Variants in LY75 observed in about 807,000 individuals in gnomAD.
LY75 encodes C-type lectin domain family 13 member B.
Under a neutral mutation model 231.7 loss-of-function variants are expected in LY75, and 185 were observed. That is an observed-to-expected ratio of 0.80 (90% CI 0.71 to 0.90). The LOEUF is 0.90. Among genes scored for constraint, LY75 ranks in the 40% least tolerant of loss-of-function variants. The probability of loss-of-function intolerance (pLI) is 0.00; values close to 1 mark genes in which losing one functional copy is unlikely to be tolerated. For synonymous variants in LY75, 668 were observed against 689.0 expected (o/e 0.97, Z 0.48); for missense variants, 1,947 against 2,050.2 (o/e 0.95, Z 0.97).
chr2:159,889,226 C>A (rs1685680080), intron 4 of LY75, among the ~76,000 whole-genome samples: 1 of 151,746 alleles, frequency 6.6e-6, no homozygotes, highest in Non-Finnish European at 1.5e-5. Flanking sequence ...AACTGCAATA[C>A]CTTTTATTTA....
intron 13 of LY75, 118 bp downstream of exon 13, chr2:159,872,333 T>C (rs1016421078): frequency 3.0e-5 from 40 of 1,344,900 alleles, no homozygotes; most frequent in South Asian, 5.9e-5. Flanking sequence ...AATGACCTTT[T>C]AGATAATAAA....
Position 159,814,653 on chromosome 2 carries a change from CA to C in LY75, c.4549+751del, listed in dbSNP as rs34311643. 1.3e-3 allele frequency among the ~76,000 whole-genome samples: 98 copies of C among 73,660 alleles called. 1 individual carries two copies. Among genetic ancestry groups the C allele is most frequent in the Non-Finnish European group, 1.8e-3 (64 of 35,838 alleles). The allele number at this position is 73,660 out of a possible 152,430, so 48.3% of individuals were successfully genotyped here. Reference sequence around the variant, plus strand: ...CTGGGCAACAGAGCTGAAACCCTGTCAAAAAAAAAAAAAGAAAAAGAAAAGA... The same window carrying C: ...CTGGGCAACAGAGCTGAAACCCTGTCAAAAAAAAAAAAGAAAAAGAAAAGA... On this transcript the variant is annotated intron_variant, in intron 31 of 34. Coordinates refer to ENST00000263636, the MANE Select transcript of LY75 (RefSeq NM_002349.4).
At chr2:159,855,491 T>G (rs1325461542) in intron 16 of LY75, among the ~76,000 whole-genome samples, 1 of 152,150 alleles carries the variant, frequency 6.6e-6, no homozygotes, top group African/African-American at 2.4e-5. Context: ...AGGAAAATAA[T>G]TAAAAGTGAC....
At chr2:159,815,156 A>T (rs1440447522) in intron 31 of LY75, among the ~76,000 whole-genome samples, 12 of 151,776 alleles carry the variant, frequency 7.9e-5, no homozygotes, top group Admixed American at 7.9e-4. Context: ...GCCCGCCACC[A>T]TGCCCAGCTA....
chr2:159,829,535 A>G (rs1327787016), intron 28 of LY75, among the ~76,000 whole-genome samples: 3 of 152,188 alleles, frequency 2.0e-5, no homozygotes, highest in Admixed American at 1.3e-4. Flanking sequence ...TAAATATTCT[A>G]TATCAACGTA....
At chr2:159,825,458 A>C (rs1016214263) in intron 28 of LY75, among the ~76,000 whole-genome samples, 1 of 152,266 alleles carries the variant, frequency 6.6e-6, no homozygotes, top group Non-Finnish European at 1.5e-5. Context: ...AAATTTAGGC[A>C]GTAATTAATA....
intron 23 of LY75, among the ~76,000 whole-genome samples, chr2:159,848,113 C>CACACA (rs1188769706): frequency 2.8e-5 from 4 of 140,946 alleles, no homozygotes; most frequent in East Asian, 2.2e-4. Flanking sequence ...CATACACACA[C>CACACA]CATATATACG....
At chr2:159,812,765 G>T (rs1038021280) in intron 31 of LY75, among the ~76,000 whole-genome samples, 1 of 152,082 alleles carries the variant, frequency 6.6e-6, no homozygotes, top group Non-Finnish European at 1.5e-5. Flanking sequence ...TCACTCTGTT[G>T]TACAACTATC....
chr2:159,899,114 C>T (rs192039287), intron 1 of LY75, 55 bp from the exon 2 acceptor site: 1 of 1,568,616 alleles, frequency 6.4e-7, no homozygotes, highest in African/African-American at 1.3e-5. Flanking sequence ...GCCTTGCTCC[C>T]TGCCTGCTGA....
rs1683667589 is a variant in LY75, at chr2:159,831,763, T to C, written c.3865A>G (p.Ile1289Val). ...KLNPKSHILS[I>V]RDEKENNFVL... ...AAGTTATTCTCCTTTTCATCTCGAA[T>C]ACTCAGAATATGTGATTTTGGATCT... is the stretch of plus-strand genomic sequence containing the variant. The change falls in exon 28 of 35, where the codon ATT (isoleucine) becomes GTT (valine). Residue 1289 changes from isoleucine to valine, a missense_variant. Ile to Val is a conservative substitution (Grantham distance 29). Coordinates refer to ENST00000263636, the MANE Select transcript of LY75 (RefSeq NM_002349.4). 1 of 1,610,734 alleles carries C rather than the reference T, an allele frequency of 6.2e-7. No homozygotes were observed. Among genetic ancestry groups the C allele is most frequent in the Non-Finnish European group, 8.5e-7 (1 of 1,178,912 alleles).
intron 28 of LY75, among the ~76,000 whole-genome samples, chr2:159,828,657 T>C (rs190140353): frequency 1.3e-5 from 2 of 152,350 alleles, no homozygotes; most frequent in African/African-American, 4.8e-5. Flanking sequence ...TGGAAACATA[T>C]GTCCATGCAA....
intron 27 of LY75, among the ~76,000 whole-genome samples, chr2:159,833,828 A>G (rs1312139336): frequency 6.6e-6 from 1 of 151,988 alleles, no homozygotes; most frequent in East Asian, 1.9e-4. Context: ...GTCTTATGAG[A>G]TCTGATGGTT....
chr2:159,805,454 T>C (rs906935317), intron 34 of LY75, among the ~76,000 whole-genome samples: 1 of 152,228 alleles, frequency 6.6e-6, no homozygotes, highest in African/African-American at 2.4e-5. Flanking sequence ...CAAATCCTCT[T>C]CATTGTGATA....
chr2:159,814,466 C>T (rs192819728), intron 31 of LY75, among the ~76,000 whole-genome samples: 17 of 152,032 alleles, frequency 1.1e-4, no homozygotes, highest in Admixed American at 1.1e-3. Flanking sequence ...CCAGCTTGAA[C>T]AGCATTGTGA....
intron 27 of LY75, among the ~76,000 whole-genome samples, chr2:159,833,289 T>C (rs973839901): frequency 6.6e-6 from 1 of 152,072 alleles, no homozygotes; most frequent in Non-Finnish European, 1.5e-5. Context: ...ACCATGCTTT[T>C]AATTTTTTGC....
At chr2:159,899,881 T>C (rs1208466843) in intron 1 of LY75, among the ~76,000 whole-genome samples, 1 of 152,178 alleles carries the variant, frequency 6.6e-6, no homozygotes, top group Non-Finnish European at 1.5e-5. Context: ...GGCAGTTTCA[T>C]TGTCCTCAGT....
In LY75 at chr2:159,875,546, C is replaced by T. The variant is rs1235086473; in HGVS notation, c.1872G>A (p.Lys624=). 1.9e-6 allele frequency: 3 copies of T among 1,614,078 alleles called. No homozygotes were observed. In the African/African-American group the frequency reaches 4.0e-5, roughly 22 times the overall value. Residue 624 remains lysine, a synonymous_variant, in exon 12 of 35, where the codon AAG becomes AAA. Coordinates refer to ENST00000263636, the MANE Select transcript of LY75 (RefSeq NM_002349.4). The part of the protein sequence containing the change: ...CRSFKALSIC[K]KMSGPLGPEE... ...CAGGCCCAAGGGGTCCACTCATTTT[C>T]TTGCAAATTGAAAGTGCTTTGAAGC...
intron 31 of LY75, among the ~76,000 whole-genome samples, chr2:159,813,161 G>T (rs764577860): frequency 3.9e-5 from 6 of 152,152 alleles, no homozygotes; most frequent in African/African-American, 1.4e-4. Flanking sequence ...GCTTTCAGTT[G>T]TTTTGAGTAT....
At chr2:159,901,589 T>G (rs1419807024) in intron 1 of LY75, among the ~76,000 whole-genome samples, 2 of 152,232 alleles carry the variant, frequency 1.3e-5, no homozygotes, top group South Asian at 4.1e-4. Flanking sequence ...TCCAATGGAT[T>G]AGCTACATTT....
Sources: allele counts gnomAD v4.1 joint callset (sites outside exome capture counted in the v4.1 genomes callset), GRCh38; gene constraint gnomAD v4.1.1; transcripts MANE v1.5; gene names NCBI Gene and HGNC (gene_info 2026-07-23, HGNC 2026-07-21).